Variants in GAN observed in about 807,000 individuals in gnomAD.
GAN encodes the protein gigaxonin, also known as epididymis secretory sperm binding protein.
In GAN, 48 loss-of-function variants were observed where a neutral mutation model predicts 71.3. The ratio of observed to expected loss-of-function variants is 0.67; its 90% CI spans 0.53 to 0.86. The LOEUF is 0.86. Ranked by LOEUF, GAN falls within the 40% of genes least tolerant of loss-of-function variation. The probability of loss-of-function intolerance (pLI) is 0.00; values close to 1 mark genes in which losing one functional copy is unlikely to be tolerated. For synonymous variants in GAN, 386 were observed against 276.8 expected, an observed-to-expected ratio of 1.39 and a Z score of -3.92; for missense variants, 928 against 770.1, an observed-to-expected ratio of 1.21 and a Z score of -2.43.
chr16:81,364,348 C>T (rs569592441), intron 7 of GAN, among the ~76,000 whole-genome samples: 58 of 152,216 alleles, frequency 3.8e-4, no homozygotes, highest in African/African-American at 1.3e-3. Context: ...TGGCTCACTG[C>T]AACCTCTTTC....
chr16:81,345,444 CA>C (rs1252403015), intron 1 of GAN, among the ~76,000 whole-genome samples: 1 of 152,108 alleles, frequency 6.6e-6, no homozygotes, highest in Non-Finnish European at 1.5e-5. Flanking sequence ...ATGTCTTTTG[CA>C]GGGACATGGA....
chr16:81,370,490 A>T (rs949561194), intron 9 of GAN, among the ~76,000 whole-genome samples: 5 of 152,272 alleles, frequency 3.3e-5, no homozygotes, highest in Admixed American at 1.3e-4. Flanking sequence ...TAGCTAATGT[A>T]GGAAGCACAG....
In GAN at chr16:81,383,034, A is replaced by G. The variant is rs967477334; in HGVS notation, c.*5438A>G. 4.6e-5 allele frequency: 7 copies of G among 151,930 alleles called. No homozygotes were observed. Among genetic ancestry groups the G allele is most frequent in the African/African-American group, 1.7e-4 (7 of 41,390 alleles). The allele number at this position is 151,930 out of a possible 1,614,324, so 9.4% of individuals were successfully genotyped here. ...TTGCTCTGTTGCCCAGGCTGATCTT[A>G]AACTCCTGGCCTCAGATGTGGAGAC... On this transcript the variant is annotated 3_prime_UTR_variant, in exon 11 of 11. Coordinates refer to ENST00000648994, the MANE Select transcript of GAN (RefSeq NM_022041.4).
At chr16:81,370,538 G>T (rs924164380) in intron 9 of GAN, among the ~76,000 whole-genome samples, 15 of 152,250 alleles carry the variant, frequency 9.9e-5, no homozygotes, top group Non-Finnish European at 2.9e-5. Context: ...ACCCAAGGAA[G>T]GAACAAATCA....
chr16:81,335,900 A>C (rs1393971216), intron 1 of GAN, among the ~76,000 whole-genome samples: 1 of 152,152 alleles, frequency 6.6e-6, no homozygotes, highest in African/African-American at 2.4e-5. Context: ...GGAAATAGTG[A>C]AGAGTCCAGC....
intron 1 of GAN, among the ~76,000 whole-genome samples, chr16:81,337,771 C>T (rs951274548): frequency 6.6e-6 from 1 of 152,186 alleles, no homozygotes; most frequent in Non-Finnish European, 1.5e-5. Flanking sequence ...TATTGTTTCA[C>T]TTCCTGCTCT....
intron 9 of GAN, among the ~76,000 whole-genome samples, chr16:81,375,398 A>G (rs1212462001): frequency 7.4e-6 from 1 of 134,802 alleles, no homozygotes. Context: ...GTGCAGTGGC[A>G]TGATCTCAAC....
Position 81,354,441 on chromosome 16 carries a change from C to G in GAN, c.319C>G (p.Gln107Glu). The G allele has an allele frequency of 1.2e-6, 2 of 1,612,858 alleles. No individual in the cohort carries two copies. Among genetic ancestry groups the G allele is most frequent in the Non-Finnish European group, 1.7e-6 (2 of 1,178,834 alleles). ...TGAAGATACAATCCAAGATGTTGTT[C>G]AGGCAGCTGACCTGCTGCTACTGAC... The part of the protein sequence containing the change: ...LNEDTIQDVV[Q>E]AADLLLLTDL... The change falls in exon 3 of 11, where the codon CAG (glutamine) becomes GAG (glutamate). Residue 107 changes from glutamine to glutamate, a missense_variant. Gln to Glu is a conservative substitution (Grantham distance 29). Coordinates refer to ENST00000648994, the MANE Select transcript of GAN (RefSeq NM_022041.4).
At chr16:81,340,356 AG>A (rs1328006531) in intron 1 of GAN, among the ~76,000 whole-genome samples, 2 of 152,248 alleles carry the variant, frequency 1.3e-5, no homozygotes, top group Non-Finnish European at 2.9e-5. Flanking sequence ...TAAAAATAAA[AG>A]AAAACAATAA....
chr16:81,351,678 A>G lies in GAN; in HGVS notation c.263A>G (p.Asp88Gly). 1 of 1,494,888 alleles carries G rather than the reference A, an allele frequency of 6.7e-7. No individual in the cohort carries two copies. Among genetic ancestry groups the G allele is most frequent in the Non-Finnish European group, 9.3e-7 (1 of 1,071,152 alleles). The allele number at this position is 1,494,888 out of a possible 1,614,324, so 92.6% of individuals were successfully genotyped here. A position where few individuals can be genotyped will look rare whatever the true frequency, so the allele number is the denominator to read the frequency against. Residue 88 changes from aspartate to glycine, a missense_variant, in exon 2 of 11, where the codon GAT (aspartate) becomes GGT (glycine). Coordinates refer to ENST00000648994, the MANE Select transcript of GAN (RefSeq NM_022041.4). ...GTAATGGTTATGAGAGAGATCCTGG[A>G]TTACATCTTCAGTGGGCAGGTATGA... ...ISVMVMREIL[D>G]YIFSGQIRLN... is the part of the protein sequence containing the mutation.
chr16:81,348,455 A>T (rs1038861448), intron 1 of GAN, among the ~76,000 whole-genome samples: 1 of 152,096 alleles, frequency 6.6e-6, no homozygotes, highest in Non-Finnish European at 1.5e-5. Flanking sequence ...ATATCTAATG[A>T]GTCCTGTTTG....
chr16:81,322,902 T>G (rs113467355), intron 1 of GAN, among the ~76,000 whole-genome samples: 1 of 152,216 alleles, frequency 6.6e-6, no homozygotes, highest in Non-Finnish European at 1.5e-5. Context: ...TATGAGTCTT[T>G]TCTAACCCAC....
chr16:81,374,229 CGTT>C (rs1485656163), intron 9 of GAN, among the ~76,000 whole-genome samples: 21 of 152,148 alleles, frequency 1.4e-4, no homozygotes, highest in African/African-American at 5.1e-4. Flanking sequence ...AGGGAGAACA[CGTT>C]GATGTGCCTT....
chr16:81,343,690 C>G (rs1910021903), intron 1 of GAN, among the ~76,000 whole-genome samples: 1 of 152,218 alleles, frequency 6.6e-6, no homozygotes, highest in African/African-American at 2.4e-5. Context: ...TGGAAGTATT[C>G]TCTTTGAAAA....
At chr16:81,316,772 G>A (rs1909057120) in intron 1 of GAN, among the ~76,000 whole-genome samples, 1 of 152,140 alleles carries the variant, frequency 6.6e-6, no homozygotes. Context: ...TTTCTCCATA[G>A]CACTTACCAC....
rs1177205438 is a variant in GAN, at chr16:81,379,255, T to C, written c.*1659T>C. 6.6e-6 allele frequency: 1 copy of C among 152,178 alleles called. No homozygotes were observed. Among genetic ancestry groups the C allele is most frequent in the Admixed American group, 6.5e-5 (1 of 15,276 alleles). 9.4% of individuals were successfully genotyped at this position (152,178 alleles called of 1,614,324 possible). A position where few individuals can be genotyped will look rare whatever the true frequency, so the allele number is the denominator to read the frequency against. On this transcript the variant is annotated 3_prime_UTR_variant, in exon 11 of 11. Transcript: ENST00000648994. ...AAAAAGGGTGACCTGTGATTTTTTT[T>C]CTTATACCTGCTGGAAGTCAGTACA...
intron 1 of GAN, among the ~76,000 whole-genome samples, chr16:81,335,967 C>G (rs1288706783): frequency 6.6e-6 from 1 of 152,154 alleles, no homozygotes; most frequent in Non-Finnish European, 1.5e-5. Flanking sequence ...CTTCCCCTGC[C>G]TTATGCCCTT....
At chr16:81,376,998 G>A (rs1904283661) in intron 9 of GAN, among the ~76,000 whole-genome samples, 1 of 152,214 alleles carries the variant, frequency 6.6e-6, no homozygotes, top group Non-Finnish European at 1.5e-5. Flanking sequence ...GAAAGCACAT[G>A]CTGTTTATGA....
chr16:81,353,317 A>T (rs1162048737), intron 2 of GAN, among the ~76,000 whole-genome samples: 1 of 149,470 alleles, frequency 6.7e-6, no homozygotes, highest in Non-Finnish European at 1.5e-5. Context: ...CGATAGTTGG[A>T]ATGTAAGTTA....
Sources: gnomAD v4.1 joint callset for allele counts (sites outside exome capture counted in the v4.1 genomes callset) on GRCh38, gnomAD v4.1.1 for gene constraint, MANE v1.5 for transcripts, NCBI Gene and HGNC (gene_info 2026-07-23, HGNC 2026-07-21) for gene names.